PLAGL1: variants seen among roughly 807,000 people sequenced by gnomAD.
PLAGL1 encodes PLAG1 like zinc finger 1, also known as zinc finger protein PLAGL1.
In PLAGL1, 1 loss-of-function variant was observed where a neutral mutation model predicts 4.6. The observed-to-expected ratio is 0.22, with a 90% CI of 0.08 to 1.03. PLAGL1 has a LOEUF of 1.03. Ranked by LOEUF, PLAGL1 falls within the 50% of genes least tolerant of loss-of-function variation. The pLI is 0.58. For synonymous variants in PLAGL1, 240 were observed against 237.8 expected (o/e 1.01, Z -0.08); for missense variants, 464 against 570.4 (o/e 0.81, Z 1.90).
chr6:144,008,612 C>A, upstream of PLAGL1: 1 of 152,268 alleles, frequency 6.6e-6, no homozygotes, highest in Non-Finnish European at 1.5e-5. The surrounding 1 kb of genome is among the most constrained non-coding windows in gnomAD (Gnocchi z 6.9). Flanking sequence ...AGACCCGAGC[C>A]GGCCTGGGGT....
chr6:144,047,033 G>A (rs996256568), intron 1 of PLAGL1, among the ~76,000 whole-genome samples: 6 of 152,220 alleles, frequency 3.9e-5, no homozygotes, highest in African/African-American at 9.6e-5. Context: ...CTGGTGTGCC[G>A]TTTGCTAAGA....
At chr6:144,023,966 G>A (rs572005130) in intron 1 of PLAGL1, among the ~76,000 whole-genome samples, 11 of 151,818 alleles carry the variant, frequency 7.2e-5, no homozygotes, top group East Asian at 1.9e-4. Context: ...TAGTAGACAC[G>A]GGGTTTCACC....
rs989192773 is a variant in PLAGL1, at chr6:144,048,132, A to G, written c.-151+16336T>C. On this transcript the variant is annotated intron_variant, in intron 1 of 3. Coordinates refer to the PLAGL1 transcript ENST00000437412. The surrounding 1 kb of genome is among the most constrained non-coding windows in gnomAD (Gnocchi z 4.8). ...TTTATTCCATGTCTCACATCAGGGT[A>G]TGCTGATGCAAGAAGTGGGCTCCCA... Among the ~76,000 whole-genome samples the G allele has an allele frequency of 6.6e-6, 1 of 152,240 alleles. No homozygotes were observed. Among genetic ancestry groups the G allele is most frequent in the Non-Finnish European group, 1.5e-5 (1 of 68,044 alleles).
chr6:144,049,353 T>C (rs1166798122), intron 1 of PLAGL1, among the ~76,000 whole-genome samples: 1 of 152,232 alleles, frequency 6.6e-6, no homozygotes, highest in African/African-American at 2.4e-5. Flanking sequence ...TTAAGTATCT[T>C]TATAGCAATA....
chr6:143,944,449 A>C (rs554756300), intron 7 of PLAGL1, among the ~76,000 whole-genome samples: 2 of 152,252 alleles, frequency 1.3e-5, no homozygotes, highest in East Asian at 3.9e-4. Flanking sequence ...CCTCTGTCAC[A>C]AAACAAACAA....
intron 1 of PLAGL1, among the ~76,000 whole-genome samples, chr6:144,033,670 T>C (rs1405315250): frequency 6.6e-6 from 1 of 152,174 alleles, no homozygotes; most frequent in African/African-American, 2.4e-5. Context: ...GACTGGGATA[T>C]TTAGCTAAAG....
intron 1 of PLAGL1, among the ~76,000 whole-genome samples, chr6:144,025,754 G>C (rs977099888): frequency 2.6e-5 from 4 of 151,990 alleles, no homozygotes; most frequent in Non-Finnish European, 1.5e-5. Flanking sequence ...TTAGCTGGGT[G>C]TGGTGGCACG....
chr6:144,017,562 C>T (rs1199595427), intron 1 of PLAGL1, among the ~76,000 whole-genome samples: 1 of 152,220 alleles, frequency 6.6e-6, no homozygotes, highest in African/African-American at 2.4e-5. Flanking sequence ...TACTCATTAT[C>T]GAGCCTGCTC....
intron 1 of PLAGL1, among the ~76,000 whole-genome samples, chr6:144,025,752 G>A (rs1218037842): frequency 2.0e-5 from 3 of 152,044 alleles, no homozygotes; most frequent in Non-Finnish European, 4.4e-5. Context: ...AATTAGCTGG[G>A]TGTGGTGGCA....
chr6:143,977,458 C>CTTT (rs1786902390), intron 2 of PLAGL1, among the ~76,000 whole-genome samples: 1 of 99,844 alleles, frequency 1.0e-5, no homozygotes, highest in Non-Finnish European at 2.0e-5. Flanking sequence ...TTATTTTTTT[C>CTTT]TTCTTCTTCT....
intron 1 of PLAGL1, among the ~76,000 whole-genome samples, chr6:144,030,924 T>C (rs1389075060): frequency 6.6e-6 from 1 of 152,238 alleles, no homozygotes; most frequent in Non-Finnish European, 1.5e-5. Context: ...TTTAGTTCTT[T>C]AAGGAATCTC....
At position 143,983,617 on chromosome 6, in the gene PLAGL1, T is replaced by C. The variant is rs1788417543; in HGVS notation, c.-544+1518A>G. On this transcript the variant is annotated intron_variant, in intron 2 of 7. Transcript: ENST00000674357. This position sits in a 1 kb window ranked among gnomAD's most constrained non-coding sequence, Gnocchi z 6.6. ...AGGCACTGGGATATAGATGGCTAAG[T>C]ACAACAAAGCAAAGGGGAGGGACAG... Among the ~76,000 whole-genome samples, 1 of 152,028 alleles carries C rather than the reference T, an allele frequency of 6.6e-6. No homozygotes were observed. Among genetic ancestry groups the C allele is most frequent in the Non-Finnish European group, 1.5e-5 (1 of 67,984 alleles).
chr6:143,965,494 G>A lies in PLAGL1; in HGVS notation c.-431+664C>T, dbSNP rs566079892. ...TGATGGGCATGTCAAGGGAGAAGAT[G>A]ACCTGGGAAAGGAGTTGCCCAGGGA... On this transcript the variant is annotated intron_variant, in intron 4 of 7. Transcript: ENST00000674357. This position sits in a 1 kb window ranked among gnomAD's most constrained non-coding sequence, Gnocchi z 7.5. 1 of 152,194 alleles carries A rather than the reference G, an allele frequency of 6.6e-6. No homozygotes were observed. The highest frequency in any genetic ancestry group is 1.5e-5 in the Non-Finnish European group (1 of 68,032). The allele number at this position is 152,194 out of a possible 1,614,324, so 9.4% of individuals were successfully genotyped here. A position where few individuals can be genotyped will look rare whatever the true frequency, so the allele number is the denominator to read the frequency against.
chr6:144,025,447 G>C (rs1381053061), intron 1 of PLAGL1, among the ~76,000 whole-genome samples: 1 of 152,038 alleles, frequency 6.6e-6, no homozygotes, highest in Non-Finnish European at 1.5e-5. Flanking sequence ...TATCACTATT[G>C]GTTCATTAAT....
chr6:143,948,420 C>T lies in PLAGL1; in HGVS notation c.-284G>A. 1 of 358,796 alleles carries T rather than the reference C, an allele frequency of 2.8e-6. No homozygotes were observed. The highest frequency in any genetic ancestry group is 4.0e-5 in the South Asian group (1 of 24,798). 22.2% of individuals were successfully genotyped at this position (358,796 alleles called of 1,614,324 possible). A position where few individuals can be genotyped will look rare whatever the true frequency, so the allele number is the denominator to read the frequency against. ...GATTCAGGAGCAGAAAGGTAATCTG[C>T]ATCACTATAGCTGGGGCATGTCCTG... is the stretch of plus-strand genomic sequence containing the variant. On this transcript the variant is annotated 5_prime_UTR_variant, in exon 7 of 8. It removes an upstream start codon present in the reference 5' UTR. Coordinates refer to ENST00000674357, the MANE Select transcript of PLAGL1 (RefSeq NM_001317162.2). This position sits in a 1 kb window ranked among gnomAD's most constrained non-coding sequence, Gnocchi z 6.0.
At position 144,064,321 on chromosome 6, in the gene PLAGL1, G is replaced by C. The variant is rs1334815829; in HGVS notation, c.-151+147C>G. Reference sequence around the variant, plus strand: ...TCGGCCAGGCTACCTCGCCTGGCCCGCGGACTCCGCGCGGCACGTGGGCAC... The same window carrying C: ...TCGGCCAGGCTACCTCGCCTGGCCCCCGGACTCCGCGCGGCACGTGGGCAC... On this transcript the variant is annotated intron_variant, in intron 1 of 3. Coordinates refer to the PLAGL1 transcript ENST00000437412. The surrounding 1 kb of genome is among the most constrained non-coding windows in gnomAD (Gnocchi z 6.8). 1 of 152,024 alleles carries C rather than the reference G, an allele frequency of 6.6e-6. No individual in the cohort carries two copies. Among genetic ancestry groups the C allele is most frequent in the Non-Finnish European group, 1.5e-5 (1 of 68,010 alleles). The allele number at this position is 152,024 out of a possible 1,614,324, so 9.4% of individuals were successfully genotyped here.
rs1778557570 is a variant in PLAGL1, at chr6:143,941,505, G to A, written c.1311C>T (p.Leu437=). Residue 437 remains leucine (L), a synonymous_variant, in exon 8 of 8, where the codon CTC becomes CTT. Coordinates refer to ENST00000674357, the MANE Select transcript of PLAGL1 (RefSeq NM_001317162.2). The surrounding 1 kb of genome is among the most constrained non-coding windows in gnomAD (Gnocchi z 6.0). Reference sequence around the variant, plus strand: ...ACACATGAGGGATGGGGGGCAGGGGGAGCTGGCCCAGGCTCACAGTGCCCA... The same window carrying A: ...ACACATGAGGGATGGGGGGCAGGGGAAGCTGGCCCAGGCTCACAGTGCCCA... ...LAMGTVSLGQ[L]PLPPIPHVFS... is the part of the protein sequence containing the mutation. 2.0e-6 allele frequency: 3 copies of A among 1,532,060 alleles called. No homozygotes were observed. In the East Asian group the frequency reaches 6.8e-5, roughly 35 times the overall value. The allele number at this position is 1,532,060 out of a possible 1,614,324, so 94.9% of individuals were successfully genotyped here. A position where few individuals can be genotyped will look rare whatever the true frequency, so the allele number is the denominator to read the frequency against.
rs937196068 is a variant in PLAGL1, at chr6:144,027,710, A to G, written c.-151+36758T>C. ...AGTGTTCTTGTTTTGAAATGAGGTT[A>G]TATATTTAAAAGTCTCTTTAGTGGG... On this transcript the variant is annotated intron_variant, in intron 1 of 3. Transcript: ENST00000437412. This position sits in a 1 kb window ranked among gnomAD's most constrained non-coding sequence, Gnocchi z 5.8. Among the ~76,000 whole-genome samples, 8 of 152,230 alleles carry G rather than the reference A, an allele frequency of 5.3e-5. No homozygotes were observed. Among genetic ancestry groups the G allele is most frequent in the African/African-American group, 1.9e-4 (8 of 41,460 alleles).
intron 1 of PLAGL1, among the ~76,000 whole-genome samples, chr6:144,017,737 A>G (rs779055807): frequency 6.6e-6 from 1 of 152,194 alleles, no homozygotes; most frequent in Non-Finnish European, 1.5e-5. Flanking sequence ...AGTTCCCTGA[A>G]TCCATGGCAA....
Sources: gnomAD v4.1 joint callset for allele counts (sites outside exome capture counted in the v4.1 genomes callset) on GRCh38, gnomAD v4.1.1 for gene constraint, Gnocchi (gnomAD v3.1) non-coding constraint, MANE v1.5 for transcripts, NCBI Gene and HGNC (gene_info 2026-07-23, HGNC 2026-07-21) for gene names.